Variants in MARCHF1 observed in about 807,000 individuals in gnomAD.
MARCHF1 encodes the protein E3 ubiquitin-protein ligase MARCHF1.
Under a neutral mutation model 54.2 loss-of-function variants are expected in MARCHF1, and 40 were observed. The observed-to-expected ratio is 0.74, with a 90% CI of 0.57 to 0.96. The LOEUF (loss-of-function observed/expected upper bound fraction) is 0.96, where lower values mean the gene tolerates loss of function less well. MARCHF1 is among the 40% of genes least tolerant of loss of function. The pLI, the probability that MARCHF1 is intolerant of heterozygous loss-of-function variation, is 0.00. For synonymous variants in MARCHF1, 236 were observed against 236.3 expected (o/e 1.00, Z 0.01); for missense variants, 586 against 656.5 (o/e 0.89, Z 1.17).
chr4:163,878,185 CG>C (rs1750334721), intron 3 of MARCHF1, among the ~76,000 whole-genome samples: 1 of 152,106 alleles, frequency 6.6e-6, no homozygotes, highest in African/African-American at 2.4e-5. Context: ...AGACACTTTC[CG>C]AATACCAGCT....
chr4:164,352,224 A>T (rs1730366572), intron 1 of MARCHF1, among the ~76,000 whole-genome samples: 1 of 117,594 alleles, frequency 8.5e-6, no homozygotes, highest in South Asian at 2.9e-4. Context: ...CAATCTAGCA[A>T]GGCAGGCCAA....
At chr4:164,144,460 T>A (rs980040441) in intron 1 of MARCHF1, among the ~76,000 whole-genome samples, 2 of 151,476 alleles carry the variant, frequency 1.3e-5, no homozygotes, top group African/African-American at 2.4e-5. Context: ...ACAGAAATTA[T>A]AACAAACGAT....
intron 8 of MARCHF1, 30 bp downstream of exon 8, chr4:163,585,719 C>T (rs1172120723): frequency 6.6e-7 from 1 of 1,508,164 alleles, no homozygotes; most frequent in Non-Finnish European, 8.9e-7. Context: ...CAAATGGTCC[C>T]TCCCAAACCA....
chr4:164,334,624 T>C (rs1302396590), intron 1 of MARCHF1, among the ~76,000 whole-genome samples: 1 of 152,206 alleles, frequency 6.6e-6, no homozygotes, highest in Non-Finnish European at 1.5e-5. Flanking sequence ...GTTGTTTTCA[T>C]ATCTGCTAAG....
At chr4:163,661,471 C>A (rs146848233) in intron 5 of MARCHF1, among the ~76,000 whole-genome samples, 1 of 151,880 alleles carries the variant, frequency 6.6e-6, no homozygotes, top group Non-Finnish European at 1.5e-5. Flanking sequence ...CCCTTTGTGT[C>A]TCTCCTATTT....
At chr4:164,016,686 G>T (rs961414248) in intron 2 of MARCHF1, among the ~76,000 whole-genome samples, 1 of 152,028 alleles carries the variant, frequency 6.6e-6, no homozygotes, top group African/African-American at 2.4e-5. Context: ...AATAAAGACA[G>T]GATGGTTAAT....
intron 4 of MARCHF1, among the ~76,000 whole-genome samples, chr4:163,796,582 CACTAT>C (rs1180432671): frequency 2.0e-5 from 3 of 152,012 alleles, no homozygotes; most frequent in African/African-American, 7.2e-5. Context: ...AAAAGCACAA[CACTAT>C]ATTTATTTTT....
rs185743828 is a variant in MARCHF1 at position 164,131,359 on chromosome 4, C to A, written c.-322-19697G>T. On this transcript the variant is annotated intron_variant, in intron 1 of 9. Coordinates refer to ENST00000514618, the MANE Select transcript of MARCHF1 (RefSeq NM_001394959.1). ...GTTTAATTTTCCATAAACAACAGAA[C>A]AACTTGAAATGTTTGTCTATGTGAA... Among the ~76,000 whole-genome samples the A allele has an allele frequency of 3.7e-4, 57 of 152,172 alleles. No homozygotes were observed. In the East Asian group the frequency reaches 8.5e-3, roughly 23 times the overall value.
At chr4:163,659,431 A>G (rs539470726) in intron 5 of MARCHF1, among the ~76,000 whole-genome samples, 1 of 152,142 alleles carries the variant, frequency 6.6e-6, no homozygotes, top group Non-Finnish European at 1.5e-5. Context: ...TAAATGTAAA[A>G]TCTGAAACCG....
At chr4:163,605,994 G>A (rs527559391) in intron 7 of MARCHF1, among the ~76,000 whole-genome samples, 27 of 152,090 alleles carry the variant, frequency 1.8e-4, no homozygotes, top group Non-Finnish European at 3.4e-4. Flanking sequence ...ACCATGGCAC[G>A]TTTATACCTA....
intron 1 of MARCHF1, among the ~76,000 whole-genome samples, chr4:164,122,596 T>C (rs1273428910): frequency 1.3e-5 from 2 of 151,996 alleles, no homozygotes; most frequent in African/African-American, 4.8e-5. Flanking sequence ...TCCTCAAACC[T>C]GACTACAAAA....
intron 1 of MARCHF1, among the ~76,000 whole-genome samples, chr4:164,159,434 T>C (rs1206699312): frequency 1.3e-5 from 2 of 152,164 alleles, no homozygotes; most frequent in African/African-American, 4.8e-5. Flanking sequence ...TGAATAAATG[T>C]TTCTCTCCTT....
intron 1 of MARCHF1, among the ~76,000 whole-genome samples, chr4:164,315,818 C>T (rs191261499): frequency 1.5e-4 from 23 of 152,188 alleles, no homozygotes; most frequent in East Asian, 7.7e-4. Flanking sequence ...TAATCATAGA[C>T]GCTTTTAAAT....
At chr4:163,849,895 A>G (rs898933658) in intron 4 of MARCHF1, among the ~76,000 whole-genome samples, 1 of 150,566 alleles carries the variant, frequency 6.6e-6, no homozygotes, top group Non-Finnish European at 1.5e-5. Flanking sequence ...AACTTTCTAT[A>G]CTGATTACTA....
intron 5 of MARCHF1, among the ~76,000 whole-genome samples, chr4:163,658,748 G>T (rs1056884692): frequency 1.1e-4 from 17 of 151,894 alleles, no homozygotes; most frequent in Admixed American, 1.1e-3. Context: ...AATGAGAACT[G>T]ATGGACACAG....
rs116681137 is a variant in MARCHF1 at position 164,282,970 on chromosome 4, C to A, written c.-323+100900G>T. 6.3e-3 allele frequency among the ~76,000 whole-genome samples: 947 copies of A among 151,320 alleles called. 34 individuals carry two copies. The highest frequency in any genetic ancestry group is 0.021 in the African/African-American group (882 of 41,300). On this transcript the variant is annotated intron_variant, in intron 1 of 9. Transcript: ENST00000514618. ...TATATACCTGCCTCTGCATCCATCA[C>A]TGTGGACATAGAAATGGGGTAAACT...
intron 8 of MARCHF1, among the ~76,000 whole-genome samples, chr4:163,568,117 C>T (rs1480654278): frequency 3.3e-5 from 5 of 152,096 alleles, no homozygotes; most frequent in Admixed American, 2.0e-4. Flanking sequence ...ATTTCTCCCT[C>T]GCATTTCCCA....
intron 1 of MARCHF1, among the ~76,000 whole-genome samples, chr4:164,173,653 G>A (rs1352996414): frequency 1.3e-5 from 2 of 152,016 alleles, no homozygotes; most frequent in East Asian, 3.9e-4. Flanking sequence ...TGTGAGAGCC[G>A]GTTGTTTAAA....
chr4:163,835,250 T>C (rs1370974253), intron 4 of MARCHF1, among the ~76,000 whole-genome samples: 2 of 149,714 alleles, frequency 1.3e-5, no homozygotes, highest in African/African-American at 5.1e-5. Flanking sequence ...GATAGCATTC[T>C]TCTTATCATT....
Sources: allele counts gnomAD v4.1 joint callset (sites outside exome capture counted in the v4.1 genomes callset), GRCh38; gene constraint gnomAD v4.1.1; transcripts MANE v1.5; gene names NCBI Gene and HGNC (gene_info 2026-07-23, HGNC 2026-07-21).